Variants in CNTRL observed in about 807,000 individuals in gnomAD.
CNTRL encodes the protein centriolin, also known as 110 kDa centrosomal protein.
CNTRL carries 233 observed loss-of-function variants against 303.7 expected under a neutral mutation model. The observed-to-expected ratio is 0.77, with a 90% CI of 0.69 to 0.86. The LOEUF is 0.86. CNTRL is among the 40% of genes least tolerant of loss of function. CNTRL has a pLI of 0.00. For missense variants in CNTRL, 2,524 were observed against 2,650.6 expected, an observed-to-expected ratio of 0.95 and a Z score of 1.05; for synonymous variants, 900 against 922.2, an observed-to-expected ratio of 0.98 and a Z score of 0.44.
At chr9:121,127,819 G>T (rs921257769) in intron 14 of CNTRL, among the ~76,000 whole-genome samples, 1 of 108,490 alleles carries the variant, frequency 9.2e-6, no homozygotes, top group Admixed American at 1.3e-4. Context: ...GACAGGCCCC[G>T]GTGTGTGATG....
intron 31 of CNTRL, 81 bp from the exon 32 acceptor site, chr9:121,160,062 A>G: frequency 1.8e-6 from 2 of 1,092,810 alleles, no homozygotes; most frequent in Non-Finnish European, 2.5e-6. Flanking sequence ...ATGATATAAA[A>G]CAATAAATAA....
intron 7 of CNTRL, among the ~76,000 whole-genome samples, chr9:121,104,462 C>G (rs541518463): frequency 6.6e-6 from 1 of 151,736 alleles, no homozygotes; most frequent in East Asian, 1.9e-4. Flanking sequence ...CAACATGGCA[C>G]GTGTATACAT....
intron 32 of CNTRL, among the ~76,000 whole-genome samples, chr9:121,160,970 C>T (rs2052816994): frequency 6.6e-6 from 1 of 152,126 alleles, no homozygotes; most frequent in Admixed American, 6.5e-5. Flanking sequence ...CAGAGGAAGA[C>T]CCTGTTCCAC....
intron 19 of CNTRL, among the ~76,000 whole-genome samples, chr9:121,142,807 T>C (rs1312834877): frequency 7.2e-5 from 11 of 152,198 alleles, no homozygotes; most frequent in Non-Finnish European, 1.6e-4. Flanking sequence ...GTCAGCCTTA[T>C]TGAGCTTCCA....
At chr9:121,159,040 T>C in intron 31 of CNTRL, 21 bp downstream of exon 31, 1 of 1,610,078 alleles carries the variant, frequency 6.2e-7, no homozygotes, top group Non-Finnish European at 8.5e-7. Flanking sequence ...TATTAGGGTT[T>C]TCTGAAGAGT....
At chr9:121,174,949 G>A in intron 42 of CNTRL, 69 bp from the exon 43 acceptor site, 1 of 1,379,092 alleles carries the variant, frequency 7.3e-7, no homozygotes. Flanking sequence ...AAATGTATGT[G>A]AGGAAGCTGA....
chr9:121,106,049 G>A (rs1217648420), intron 7 of CNTRL, among the ~76,000 whole-genome samples: 2 of 152,054 alleles, frequency 1.3e-5, no homozygotes, highest in Non-Finnish European at 2.9e-5. Flanking sequence ...ATTCAAAAGT[G>A]GAGTGGAGGC....
rs753188221 is a variant in CNTRL at position 121,157,808 on chromosome 9, TAAAC to T, written c.4569_4572del (p.Asn1523LysfsTer3). ...AAGCAAGAAGAAATCTTGAAAGAAA[TAAAC>T]AAAATTGTAGCAGCAAAAGACTCAG... On this transcript the variant is annotated frameshift_variant, in exon 29 of 44. Transcript: ENST00000373855. LOFTEE classifies it high-confidence loss of function. 1.6e-5 allele frequency: 26 copies of T among 1,613,904 alleles called. No homozygotes were observed. The highest frequency in any genetic ancestry group is 1.5e-4 in the African/African-American group (11 of 74,870).
rs754940616 is a variant in CNTRL, at chr9:121,107,879, T to C, written c.886T>C (p.Phe296Leu). Reference sequence around the variant, plus strand: ...AGAGCTTAAGAGCAAACAAACAAGGTTCCTTGAGGAAATTAAAAATCAAGA... The same window carrying C: ...AGAGCTTAAGAGCAAACAAACAAGGCTCCTTGAGGAAATTAAAAATCAAGA... ...TEELKSKQTRFLEEIKNQDKL... is the reference protein window; with the variant it reads ...TEELKSKQTRLLEEIKNQDKL... Residue 296 changes from phenylalanine to leucine, a missense_variant, in exon 8 of 44, where the codon TTC becomes CTC. Coordinates refer to ENST00000373855, the MANE Select transcript of CNTRL (RefSeq NM_007018.6). 1.9e-6 allele frequency: 3 copies of C among 1,609,070 alleles called. No homozygotes were observed. The highest frequency in any genetic ancestry group is 2.5e-6 in the Non-Finnish European group (3 of 1,177,936).
intron 6 of CNTRL, among the ~76,000 whole-genome samples, chr9:121,097,949 A>T (rs778637987): frequency 2.0e-5 from 3 of 152,202 alleles, no homozygotes; most frequent in Non-Finnish European, 4.4e-5. Flanking sequence ...TAGCACAGTT[A>T]TCTGAAGATT....
chr9:121,092,876 G>A (rs1290849939), intron 4 of CNTRL, among the ~76,000 whole-genome samples: 1 of 138,248 alleles, frequency 7.2e-6, no homozygotes, highest in African/African-American at 2.8e-5. Flanking sequence ...GCGTGATCTC[G>A]GCTCACTGCA....
Position 121,154,721 on chromosome 9 carries a change from G to A in CNTRL, c.4173G>A (p.Lys1391=), listed in dbSNP as rs753174714. ...AATGGGTGTATATATTATTTTTTAG[G>A]GACTTCATTGATGGAAATGTTGAGA... is the stretch of plus-strand genomic sequence containing the variant. ...HRTVQKRQQQ[K]DFIDGNVESL... is the part of the protein sequence containing the mutation. The change falls in exon 27 of 44, where the codon AAG becomes AAA. Residue 1391 remains lysine, a splice_region_variant and synonymous_variant. Coordinates refer to ENST00000373855, the MANE Select transcript of CNTRL (RefSeq NM_007018.6). 1.3e-6 allele frequency: 2 copies of A among 1,578,476 alleles called. No homozygotes were observed. Among genetic ancestry groups the A allele is most frequent in the South Asian group, 1.1e-5 (1 of 89,620 alleles).
intron 7 of CNTRL, among the ~76,000 whole-genome samples, chr9:121,107,296 CTT>C (rs1408530441): frequency 6.6e-6 from 1 of 152,100 alleles, no homozygotes; most frequent in African/African-American, 2.4e-5. Context: ...AATGGGATAA[CTT>C]TAAGAAAGCT....
intron 34 of CNTRL, 94 bp downstream of exon 34, chr9:121,162,365 T>G (rs1041295469): frequency 1.2e-5 from 12 of 1,042,140 alleles, no homozygotes; most frequent in Non-Finnish European, 1.8e-5. Flanking sequence ...GAGAAAAAGA[T>G]AAAATACACC....
At chr9:121,143,875 T>G in intron 19 of CNTRL, 28 bp from the exon 20 acceptor site, 1 of 1,541,960 alleles carries the variant, frequency 6.5e-7, no homozygotes, top group Non-Finnish European at 8.8e-7. Flanking sequence ...ATGATTCATC[T>G]GTTTAATTAA....
intron 9 of CNTRL, 84 bp downstream of exon 9, chr9:121,112,662 A>G: frequency 7.2e-7 from 1 of 1,382,808 alleles, no homozygotes; most frequent in Non-Finnish European, 1.0e-6. Context: ...AGGACATGTA[A>G]GGGATTTGAT....
intron 13 of CNTRL, among the ~76,000 whole-genome samples, chr9:121,124,959 A>G (rs2050430056): frequency 7.1e-6 from 1 of 140,562 alleles, no homozygotes; most frequent in South Asian, 2.4e-4. Context: ...AAAAAAAAAA[A>G]GAGAGAGATA....
At chr9:121,173,581 T>C (rs1392373323) in intron 41 of CNTRL, 72 bp downstream of exon 41, 12 of 1,610,162 alleles carry the variant, frequency 7.5e-6, no homozygotes, top group Middle Eastern at 3.3e-4. Flanking sequence ...AAAACACAGA[T>C]GTGGGGGTGC....
chr9:121,123,564 A>C (rs1018175941), intron 12 of CNTRL, among the ~76,000 whole-genome samples: 1 of 152,194 alleles, frequency 6.6e-6, no homozygotes, highest in Non-Finnish European at 1.5e-5. Context: ...GTGCCTCTGC[A>C]CTCTAGCCTG....
Sources: allele counts gnomAD v4.1 joint callset (sites outside exome capture counted in the v4.1 genomes callset), GRCh38; gene constraint gnomAD v4.1.1; transcripts MANE v1.5; gene names NCBI Gene and HGNC (gene_info 2026-07-23, HGNC 2026-07-21).